FUT8: variants seen among roughly 807,000 people sequenced by gnomAD.
FUT8 encodes the protein fucosyltransferase 8, also known as alpha-(1,6)-fucosyltransferase.
A neutral mutation model predicts 71.3 loss-of-function variants in FUT8; 29 were observed. The ratio of observed to expected loss-of-function variants is 0.41; its 90% CI spans 0.30 to 0.55. The LOEUF (loss-of-function observed/expected upper bound fraction) is 0.55, where lower values mean the gene tolerates loss of function less well. Among genes scored for constraint, FUT8 ranks in the 20% least tolerant of loss-of-function variants. The pLI is 0.34. For synonymous variants in FUT8, 254 were observed against 239.3 expected, an observed-to-expected ratio of 1.06 and a Z score of -0.57; for missense variants, 544 against 702.1, an observed-to-expected ratio of 0.77 and a Z score of 2.55.
rs1888408105 is a variant in FUT8, at chr14:65,603,367, C to T, written c.204-12611C>T. On this transcript the variant is annotated intron_variant, in intron 3 of 10. Transcript: ENST00000673929. The surrounding 1 kb of genome is among the most constrained non-coding windows in gnomAD (Gnocchi z 4.5). Reference sequence around the variant, plus strand: ...TTTTTATACCACTACCACACTGTTTCGGTGACTTACGGCCGTATAGTATGG... The same window carrying T: ...TTTTTATACCACTACCACACTGTTTTGGTGACTTACGGCCGTATAGTATGG... 1.3e-5 allele frequency among the ~76,000 whole-genome samples: 2 copies of T among 151,624 alleles called. No homozygotes were observed. Among genetic ancestry groups the T allele is most frequent in the Admixed American group, 6.6e-5 (1 of 15,150 alleles).
In FUT8 at chr14:65,603,974, C is replaced by T. The variant is rs541081106; in HGVS notation, c.204-12004C>T. Among the ~76,000 whole-genome samples, 374 of 151,590 alleles carry T rather than the reference C, an allele frequency of 2.5e-3. 4 individuals carry two copies. The highest frequency in any genetic ancestry group is 8.6e-3 in the African/African-American group (357 of 41,448). On this transcript the variant is annotated intron_variant, in intron 3 of 10. Transcript: ENST00000673929. The surrounding 1 kb of genome is among the most constrained non-coding windows in gnomAD (Gnocchi z 4.5). ...GTAGCTATTCTTACATCAGACAAAA[C>T]AAAAAACAACAGCAACTAAAAAAGA...
chr14:65,570,094 A>G (rs1332303045), intron 3 of FUT8, among the ~76,000 whole-genome samples: 1 of 152,060 alleles, frequency 6.6e-6, no homozygotes, highest in African/African-American at 2.4e-5. Context: ...TGTGAGTTTA[A>G]GGTAGACCTC....
At chr14:65,396,843 G>A in the FUT8 span, among the ~76,000 whole-genome samples, 20,614 of 152,152 alleles carry the variant, frequency 0.14, 1,805 homozygotes, top group Middle Eastern at 0.2. The surrounding 1 kb of genome is among the most constrained non-coding windows in gnomAD (Gnocchi z 5.5). Flanking sequence ...TTTAGTTTGA[G>A]TTATTTTAAG....
chr14:65,359,183 T>G, the FUT8 span, among the ~76,000 whole-genome samples: 1 of 152,208 alleles, frequency 6.6e-6, no homozygotes, highest in African/African-American at 2.4e-5. Context: ...TGATGGTGTT[T>G]TTAGTGAAGT....
intron 6 of FUT8, among the ~76,000 whole-genome samples, chr14:65,668,447 CTAAT>C (rs1806328705): frequency 6.6e-6 from 1 of 152,176 alleles, no homozygotes; most frequent in Non-Finnish European, 1.5e-5. Context: ...TCAAACATCA[CTAAT>C]CATTAGAGAA....
chr14:65,560,765 G>A (rs1444699449), intron 2 of FUT8, among the ~76,000 whole-genome samples: 2 of 152,174 alleles, frequency 1.3e-5, no homozygotes, highest in African/African-American at 4.8e-5. Context: ...ATGACTGCCA[G>A]CTGGTTAATG....
At chr14:65,518,305 A>AAGGT (rs1190666081) in intron 2 of FUT8, among the ~76,000 whole-genome samples, 1 of 152,146 alleles carries the variant, frequency 6.6e-6, no homozygotes, top group African/African-American at 2.4e-5. Flanking sequence ...GAGCTTCTAA[A>AAGGT]AGGTAATACT....
chr14:65,546,540 T>C (rs1044034069), intron 2 of FUT8, among the ~76,000 whole-genome samples: 1 of 151,864 alleles, frequency 6.6e-6, no homozygotes, highest in African/African-American at 2.4e-5. Context: ...ATTGTATGAA[T>C]GTGCCATAAT....
At chr14:65,423,902 A>C (rs780683795) in intron 1 of FUT8, among the ~76,000 whole-genome samples, 3 of 152,238 alleles carry the variant, frequency 2.0e-5, no homozygotes, top group Non-Finnish European at 4.4e-5. Flanking sequence ...GTGTGCCTTC[A>C]GCAATGGCTT....
chr14:65,651,533 T>C lies in FUT8; in HGVS notation c.598-17710T>C, dbSNP rs1242631028. 2.0e-5 allele frequency among the ~76,000 whole-genome samples: 3 copies of C among 152,308 alleles called. No individual in the cohort carries two copies. In the East Asian group the frequency reaches 5.8e-4, roughly 29 times the overall value. On this transcript the variant is annotated intron_variant, in intron 6 of 10. Transcript: ENST00000673929. ...ATATCAAGAACCAAGAAAATCTTAATTCGAATGATGAAAGTTAATCAGCTG... is the reference window on the plus strand; with the variant it reads ...ATATCAAGAACCAAGAAAATCTTAACTCGAATGATGAAAGTTAATCAGCTG...
chr14:65,677,156 G>GTA, intron 7 of FUT8, among the ~76,000 whole-genome samples: 1 of 115,706 alleles, frequency 8.6e-6, no homozygotes, highest in African/African-American at 4.4e-5. Context: ...GTGTGTGCGC[G>GTA]CGCGCATGCG....
chr14:65,697,897 C>T (rs1284024181), intron 7 of FUT8, among the ~76,000 whole-genome samples: 1 of 151,936 alleles, frequency 6.6e-6, no homozygotes, highest in African/African-American at 2.4e-5. Context: ...ATCACTTGAA[C>T]CCAGGAGGTG....
chr14:65,386,124 C>A, the FUT8 span, among the ~76,000 whole-genome samples: 41 of 151,134 alleles, frequency 2.7e-4, no homozygotes, highest in African/African-American at 9.5e-4. Context: ...TGCACTCCAG[C>A]CTGGGTGACA....
chr14:65,473,243 C>T (rs1461607408), intron 2 of FUT8, among the ~76,000 whole-genome samples: 3 of 152,010 alleles, frequency 2.0e-5, no homozygotes, highest in African/African-American at 4.8e-5. Flanking sequence ...GTTTATTGTA[C>T]GTATTGCTGT....
Position 65,462,659 on chromosome 14 carries a change from G to A in FUT8, c.-228+6941G>A, listed in dbSNP as rs1451921452. Among the ~76,000 whole-genome samples, 4 of 152,160 alleles carry A rather than the reference G, an allele frequency of 2.6e-5. No homozygotes were observed. The East Asian group carries it at 7.7e-4, about 29-fold the overall frequency. On this transcript the variant is annotated intron_variant, in intron 2 of 10. Coordinates refer to ENST00000673929, the MANE Select transcript of FUT8 (RefSeq NM_001371533.1). ...CTGTAGTATCGTATTTGAATTCTTT[G>A]TTTGAATCATGTTGAAAGTATGTAA...
At chr14:65,549,304 A>G (rs895240546) in intron 2 of FUT8, among the ~76,000 whole-genome samples, 5 of 150,410 alleles carry the variant, frequency 3.3e-5, no homozygotes, top group African/African-American at 1.2e-4. Flanking sequence ...AACAAAGTGT[A>G]GTTTTGTCAT....
rs1475049660 is a variant in FUT8, at chr14:65,574,516, T to A, written c.203+12750T>A. 6.6e-6 allele frequency among the ~76,000 whole-genome samples: 1 copy of A among 152,160 alleles called. No homozygotes were observed. Among genetic ancestry groups the A allele is most frequent in the Non-Finnish European group, 1.5e-5 (1 of 68,036 alleles). Reference sequence around the variant, plus strand: ...GTACCAACACTTTACATAAATTATCTTATTCAGAAGTTAAGTGATTTGCCT... The same window carrying A: ...GTACCAACACTTTACATAAATTATCATATTCAGAAGTTAAGTGATTTGCCT... On this transcript the variant is annotated intron_variant, in intron 3 of 10. Coordinates refer to ENST00000673929, the MANE Select transcript of FUT8 (RefSeq NM_001371533.1). This position sits in a 1 kb window ranked among gnomAD's most constrained non-coding sequence, Gnocchi z 5.2.
At chr14:65,739,675 G>C (rs1896395383) in intron 10 of FUT8, among the ~76,000 whole-genome samples, 1 of 151,966 alleles carries the variant, frequency 6.6e-6, no homozygotes, top group South Asian at 2.1e-4. Flanking sequence ...AAGACTGTCA[G>C]GTTTACCCAA....
chr14:65,727,850 G>C (rs1201736157), intron 9 of FUT8, among the ~76,000 whole-genome samples: 2 of 152,156 alleles, frequency 1.3e-5, no homozygotes, highest in African/African-American at 4.8e-5. Context: ...CAGCAACCAA[G>C]TCACCTCTTG....
Sources: allele counts gnomAD v4.1 joint callset (sites outside exome capture counted in the v4.1 genomes callset), GRCh38; gene constraint gnomAD v4.1.1; non-coding constraint Gnocchi (gnomAD v3.1); transcripts MANE v1.5; gene names NCBI Gene and HGNC (gene_info 2026-07-23, HGNC 2026-07-21).